The following SEMA3D variants were observed in gnomAD, a reference collection of about 807,000 sequenced individuals.
SEMA3D encodes semaphorin-3D.
In SEMA3D, 84 loss-of-function variants were observed where a neutral mutation model predicts 100.1. That is an observed-to-expected ratio of 0.84 (90% CI 0.70 to 1.01). The LOEUF is 1.01. Ranked by LOEUF, SEMA3D falls within the 50% of genes least tolerant of loss-of-function variation. The pLI, the probability that SEMA3D is intolerant of heterozygous loss-of-function variation, is 0.00. For synonymous variants in SEMA3D, 312 were observed against 320.7 expected, an observed-to-expected ratio of 0.97 and a Z score of 0.29; for missense variants, 875 against 934.1, an observed-to-expected ratio of 0.94 and a Z score of 0.82.
intron 2 of SEMA3D, among the ~76,000 whole-genome samples, chr7:85,136,295 A>G (rs750417458): frequency 4.6e-5 from 7 of 152,152 alleles, no homozygotes; most frequent in South Asian, 2.1e-4. Context: ...CTTGTACTGC[A>G]TTATCCTCAT....
intron 12 of SEMA3D, among the ~76,000 whole-genome samples, chr7:85,026,270 G>A (rs1364073445): frequency 6.6e-6 from 1 of 151,990 alleles, no homozygotes; most frequent in African/African-American, 2.4e-5. Context: ...AATTTAGAGA[G>A]ATGATAAAGT....
chr7:85,098,508 T>A (rs1359432377), intron 3 of SEMA3D, among the ~76,000 whole-genome samples: 1 of 151,848 alleles, frequency 6.6e-6, no homozygotes, highest in Non-Finnish European at 1.5e-5. Context: ...TTTTTCTACT[T>A]TTTAAAAAAT....
intron 3 of SEMA3D, among the ~76,000 whole-genome samples, chr7:85,101,053 A>G (rs1033914036): frequency 6.6e-6 from 1 of 152,016 alleles, no homozygotes; most frequent in Admixed American, 6.6e-5. Context: ...GAATGCAGGG[A>G]TAATATCCAA....
intron 12 of SEMA3D, among the ~76,000 whole-genome samples, chr7:85,030,389 G>A (rs1790514225): frequency 6.6e-6 from 1 of 151,904 alleles, no homozygotes; most frequent in African/African-American, 2.4e-5. Flanking sequence ...TGGAGACTTA[G>A]TTGGGAAATC....
At chr7:85,174,233 T>A (rs1791163382) in intron 1 of SEMA3D, among the ~76,000 whole-genome samples, 1 of 152,166 alleles carries the variant, frequency 6.6e-6, no homozygotes, top group Non-Finnish European at 1.5e-5. Context: ...CCCACGGTGA[T>A]AAAGAATTCT....
chr7:85,231,436 CTTTTTT>C, the SEMA3D span, among the ~76,000 whole-genome samples: 2 of 117,872 alleles, frequency 1.7e-5, no homozygotes, highest in Non-Finnish European at 3.3e-5. Context: ...CAATCTTTCC[CTTTTTT>C]TTTTTTTTTT....
At chr7:85,213,137 A>G in the SEMA3D span, among the ~76,000 whole-genome samples, 2 of 152,042 alleles carry the variant, frequency 1.3e-5, no homozygotes, top group South Asian at 4.1e-4. Flanking sequence ...ATCAATCACA[A>G]TCATTATATG....
Position 85,097,947 on chromosome 7 carries a change from C to G in SEMA3D, c.170G>C (p.Ser57Thr). 1 of 1,571,696 alleles carries G rather than the reference C, an allele frequency of 6.4e-7. No homozygotes were observed. The highest frequency in any genetic ancestry group is 8.6e-7 in the Non-Finnish European group (1 of 1,157,110). ...LTYKDLLLSN[S>T]CIPFLGSSEG... is the part of the protein sequence containing the mutation. ...TGATGAACCCAAAAAGGGAATACAG[C>G]TATTTGAAAGCAGCAAGTCTATGGA... Residue 57 changes from serine (S) to threonine (T), a missense_variant, in exon 4 of 19, where the codon AGC becomes ACC. Transcript: ENST00000284136.
intron 1 of SEMA3D, chr7:85,181,618 G>A (rs1791412993): frequency 1.2e-5 from 2 of 162,312 alleles, no homozygotes; most frequent in African/African-American, 4.8e-5. Context: ...CTGCCCACAA[G>A]GAAGAGAAGC....
the SEMA3D span, among the ~76,000 whole-genome samples, chr7:85,245,599 T>C: frequency 1.3e-5 from 2 of 152,200 alleles, no homozygotes; most frequent in African/African-American, 4.8e-5. Context: ...CACATGAAAC[T>C]TCAACATTTA....
rs1562786330 is a variant in SEMA3D at position 85,022,468 on chromosome 7, T to A, written c.1337A>T (p.Asp446Val). The A allele has an allele frequency of 1.2e-6, 2 of 1,612,626 alleles. No individual in the cohort carries two copies. Among genetic ancestry groups the A allele is most frequent in the Admixed American group, 1.7e-5 (1 of 59,914 alleles). ...CACCACTATCTGTGTCAGTCTGTAA[T>A]CCACATTGATTCTCTTGAACGTTGG... ...GGPTFKRINV[D>V]YRLTQIVVDH... is the part of the protein sequence containing the mutation. Residue 446 changes from aspartate (D) to valine (V), a missense_variant, in exon 13 of 19, where the codon GAT becomes GTT. By Grantham distance (152) the Asp-to-Val change is radical. Transcript: ENST00000284136.
chr7:85,109,739 T>C (rs2116360496), intron 3 of SEMA3D, among the ~76,000 whole-genome samples: 1 of 152,100 alleles, frequency 6.6e-6, no homozygotes, highest in East Asian at 1.9e-4. Flanking sequence ...AAACTGTCAT[T>C]GAATTTATAT....
intron 1 of SEMA3D, among the ~76,000 whole-genome samples, chr7:85,171,317 G>T (rs1161237279): frequency 6.6e-6 from 1 of 152,030 alleles, no homozygotes; most frequent in African/African-American, 2.4e-5. Context: ...AAGTGAATGG[G>T]TCAGTGAACA....
intron 2 of SEMA3D, among the ~76,000 whole-genome samples, chr7:85,127,760 G>A (rs1789606909): frequency 6.6e-6 from 1 of 152,134 alleles, no homozygotes; most frequent in South Asian, 2.1e-4. Flanking sequence ...GTCAGAGAAA[G>A]TACTAACATC....
At chr7:85,053,828 T>C (rs1281031405) in intron 9 of SEMA3D, among the ~76,000 whole-genome samples, 3 of 152,140 alleles carry the variant, frequency 2.0e-5, no homozygotes, top group Middle Eastern at 3.4e-3. Context: ...AATAAATTCA[T>C]CCATCATATA....
chr7:85,079,527 G>T (rs766520301), intron 5 of SEMA3D, among the ~76,000 whole-genome samples: 4 of 152,120 alleles, frequency 2.6e-5, no homozygotes, highest in Non-Finnish European at 4.4e-5. Context: ...ACATGGTCAA[G>T]GATATCACCT....
chr7:85,144,706 T>C (rs1452517313), intron 2 of SEMA3D: 1 of 984,390 alleles, frequency 1.0e-6, no homozygotes, highest in African/African-American at 1.7e-5. Context: ...TTGTTCTTAT[T>C]TGTTCTCTTC....
chr7:85,201,880 C>T, the SEMA3D span, among the ~76,000 whole-genome samples: 2 of 151,630 alleles, frequency 1.3e-5, no homozygotes, highest in African/African-American at 4.9e-5. Flanking sequence ...TTTGTGCCAC[C>T]AGGAATAGCT....
intron 2 of SEMA3D, among the ~76,000 whole-genome samples, chr7:85,145,640 T>A (rs1483340562): frequency 6.6e-6 from 1 of 151,844 alleles, no homozygotes; most frequent in Non-Finnish European, 1.5e-5. Context: ...CAAAAAAAAA[T>A]CTGGTGGAAA....
Sources: allele counts gnomAD v4.1 joint callset (sites outside exome capture counted in the v4.1 genomes callset), GRCh38; gene constraint gnomAD v4.1.1; transcripts MANE v1.5; gene names NCBI Gene and HGNC (gene_info 2026-07-23, HGNC 2026-07-21).